Variants in PSMD14 observed in about 807,000 individuals in gnomAD.
PSMD14 encodes ubiquitin C-terminal hydrolase PSMD14.
Under a neutral mutation model 41.2 loss-of-function variants are expected in PSMD14, and 7 were observed. The observed-to-expected ratio is 0.17, with a 90% CI of 0.10 to 0.32. The LOEUF (loss-of-function observed/expected upper bound fraction) is 0.32. Among genes scored for constraint, PSMD14 ranks in the 10% least tolerant of loss-of-function variants. The probability of loss-of-function intolerance (pLI) is 1.00; values close to 1 mark genes in which losing one functional copy is unlikely to be tolerated. For missense variants in PSMD14, 139 were observed against 375.6 expected, an observed-to-expected ratio of 0.37 and a Z score of 5.21; for synonymous variants, 114 against 122.3, an observed-to-expected ratio of 0.93 and a Z score of 0.45.
At chr2:161,315,395 G>A (rs552979472) in intron 1 of PSMD14, among the ~76,000 whole-genome samples, 1 of 152,120 alleles carries the variant, frequency 6.6e-6, no homozygotes, top group Non-Finnish European at 1.5e-5. Context: ...TTGTAGTAAT[G>A]TGAAACATTT....
At chr2:161,391,887 T>C (rs929684712) in intron 9 of PSMD14, among the ~76,000 whole-genome samples, 5 of 152,134 alleles carry the variant, frequency 3.3e-5, no homozygotes, top group African/African-American at 1.2e-4. Context: ...GCATGAGCCA[T>C]TGCACCCAGC....
intron 2 of PSMD14, among the ~76,000 whole-genome samples, chr2:161,317,549 T>C (rs1437231293): frequency 1.3e-5 from 2 of 152,170 alleles, no homozygotes; most frequent in African/African-American, 4.8e-5. Context: ...GTTACATGGA[T>C]GTGTTCACTT....
At chr2:161,360,448 C>A (rs560043740) in intron 3 of PSMD14, among the ~76,000 whole-genome samples, 1 of 151,834 alleles carries the variant, frequency 6.6e-6, no homozygotes, top group East Asian at 1.9e-4. Flanking sequence ...CTCCACATCC[C>A]GTGTTCAAGC....
chr2:161,384,165 T>C (rs924251470), intron 7 of PSMD14: 1 of 151,616 alleles, frequency 6.6e-6, no homozygotes, highest in African/African-American at 2.4e-5. Context: ...TTTGGGAAAA[T>C]GTTAACTGTT....
chr2:161,345,007 T>G (rs1683019970), intron 3 of PSMD14, among the ~76,000 whole-genome samples: 1 of 152,192 alleles, frequency 6.6e-6, no homozygotes, highest in Non-Finnish European at 1.5e-5. Context: ...TCAAGAGTTT[T>G]ATTGTTTTAT....
intron 3 of PSMD14, among the ~76,000 whole-genome samples, chr2:161,346,580 G>A (rs1001059871): frequency 6.9e-6 from 1 of 144,056 alleles, no homozygotes; most frequent in Non-Finnish European, 1.5e-5. Flanking sequence ...TCGTGTGCTG[G>A]CTACTTTTTA....
chr2:161,344,333 G>A (rs1314934101), intron 3 of PSMD14, among the ~76,000 whole-genome samples: 1 of 152,176 alleles, frequency 6.6e-6, no homozygotes, highest in African/African-American at 2.4e-5. Flanking sequence ...AGTGTGATTG[G>A]GTTCTGGTTA....
intron 8 of PSMD14, among the ~76,000 whole-genome samples, chr2:161,386,079 TTA>T (rs1207437579): frequency 6.6e-6 from 1 of 151,868 alleles, no homozygotes; most frequent in African/African-American, 2.4e-5. Context: ...TGATGAGAGT[TTA>T]TGTCTTGTTT....
intron 3 of PSMD14, among the ~76,000 whole-genome samples, chr2:161,334,434 A>G (rs768721299): frequency 3.3e-5 from 5 of 152,232 alleles, no homozygotes; most frequent in East Asian, 1.9e-4. Context: ...CTCCACAGCA[A>G]AAATGTCCAG....
rs749744378 is a variant in PSMD14, at chr2:161,310,785, G to T, written c.-138+2181G>T. On this transcript the variant is annotated intron_variant, in intron 1 of 11. Coordinates refer to ENST00000409682, the MANE Select transcript of PSMD14 (RefSeq NM_005805.6). Reference sequence around the variant, plus strand: ...CATATAGTGAGTAGGTGGTGACGCCGGATTCAAATTGAGGTCAACTGGTTC... The same window carrying T: ...CATATAGTGAGTAGGTGGTGACGCCTGATTCAAATTGAGGTCAACTGGTTC... Among the ~76,000 whole-genome samples the T allele has an allele frequency of 2.0e-5, 3 of 152,078 alleles. No homozygotes were observed. The South Asian group carries it at 6.2e-4, about 32-fold the overall frequency.
intron 11 of PSMD14, among the ~76,000 whole-genome samples, chr2:161,410,227 A>T (rs1055907883): frequency 6.6e-6 from 1 of 152,064 alleles, no homozygotes; most frequent in Non-Finnish European, 1.5e-5. Context: ...TTCACCTAAA[A>T]TGCCCTAAGA....
In PSMD14 at chr2:161,332,924, A is replaced by G. The variant is rs966486718; in HGVS notation, c.48+14051A>G. Among the ~76,000 whole-genome samples the G allele has an allele frequency of 3.9e-5, 6 of 152,168 alleles. 1 individual carries two copies. The South Asian group carries it at 8.3e-4, about 21-fold the overall frequency. On this transcript the variant is annotated intron_variant, in intron 3 of 11. Transcript: ENST00000409682. ...GCCATGGAGCTGGCACACTTTGGCA[A>G]GTTTCTTTGCACTTTCCCATTAATG... is the stretch of plus-strand genomic sequence containing the variant.
At chr2:161,352,493 G>C (rs1308632841) in intron 3 of PSMD14, among the ~76,000 whole-genome samples, 2 of 152,108 alleles carry the variant, frequency 1.3e-5, no homozygotes. Context: ...ACTACACCAA[G>C]TTACAATCAA....
chr2:161,395,106 G>A lies in PSMD14; in HGVS notation c.674G>A (p.Trp225Ter). The change falls in exon 10 of 12, where the codon TGG (tryptophan) becomes TAG (stop). Residue 225 changes from tryptophan (W) to a stop codon, truncating the protein, a stop_gained. Coordinates refer to ENST00000409682, the MANE Select transcript of PSMD14 (RefSeq NM_005805.6). LOFTEE classifies it high-confidence loss of function. ...TTGCTAAATTTGCATAAGAAGAGTTGGATGGAAGGTTTGACACTTCAGGAC... is the reference window on the plus strand; with the variant it reads ...TTGCTAAATTTGCATAAGAAGAGTTAGATGGAAGGTTTGACACTTCAGGAC... The part of the protein sequence containing the change: ...KMLLNLHKKS[W>*]MEGLTLQDYS... 6.3e-7 allele frequency: 1 copy of A among 1,593,640 alleles called. No individual in the cohort carries two copies. The highest frequency in any genetic ancestry group is 1.4e-5 in the African/African-American group (1 of 74,072).
Position 161,389,889 on chromosome 2 carries a change from G to GTTGTTTT in PSMD14, c.571-1213_571-1212insGTTTTTT. ...TGTCTTATTTTCTTTCTTTTTTGTT[G>GTTGTTTT]TTTTTTTTTTTTTTTTTTTTTTTAG... On this transcript the variant is annotated intron_variant, in intron 8 of 11. Coordinates refer to ENST00000409682, the MANE Select transcript of PSMD14 (RefSeq NM_005805.6). Among the ~76,000 whole-genome samples the GTTGTTTT allele has an allele frequency of 3.5e-3, 70 of 20,038 alleles. 21 individuals are homozygous for GTTGTTTT. The highest frequency in any genetic ancestry group is 0.029 in the East Asian group (13 of 452). 13.1% of individuals were successfully genotyped at this position (20,038 alleles called of 152,430 possible).
At chr2:161,315,244 G>A (rs1299803745) in intron 1 of PSMD14, among the ~76,000 whole-genome samples, 4 of 152,092 alleles carry the variant, frequency 2.6e-5, no homozygotes, top group South Asian at 2.1e-4. Flanking sequence ...CCTATGATGC[G>A]CAAGACAGCC....
chr2:161,325,512 G>GA (rs1420643543), intron 3 of PSMD14, among the ~76,000 whole-genome samples: 1 of 152,056 alleles, frequency 6.6e-6, no homozygotes, highest in African/African-American at 2.4e-5. Context: ...CATAGCAATG[G>GA]AAAAAATGAC....
At chr2:161,357,140 G>T (rs1574128365) in intron 3 of PSMD14, among the ~76,000 whole-genome samples, 1 of 138,970 alleles carries the variant, frequency 7.2e-6, no homozygotes. Flanking sequence ...TTTTTATACT[G>T]GATCAGATTT....
At chr2:161,344,105 G>T (rs1456457078) in intron 3 of PSMD14, among the ~76,000 whole-genome samples, 1 of 139,044 alleles carries the variant, frequency 7.2e-6, no homozygotes, top group Non-Finnish European at 1.6e-5. Context: ...TTACATTAGA[G>T]ACTTGGTGCG....
Sources: gnomAD v4.1 joint callset for allele counts (sites outside exome capture counted in the v4.1 genomes callset) on GRCh38, gnomAD v4.1.1 for gene constraint, MANE v1.5 for transcripts, NCBI Gene and HGNC (gene_info 2026-07-23, HGNC 2026-07-21) for gene names.